The following RAB8B variants were observed in gnomAD, a reference collection of about 807,000 sequenced individuals.
The protein encoded by RAB8B is RAB8B, member RAS oncogene family, also known as ras-related protein Rab-8B.
RAB8B carries 11 observed loss-of-function variants against 32.0 expected under a neutral mutation model. The observed-to-expected ratio is 0.34, with a 90% CI of 0.22 to 0.57. The LOEUF (loss-of-function observed/expected upper bound fraction) is 0.57. RAB8B is among the 20% of genes least tolerant of loss of function. RAB8B has a pLI of 0.86. For synonymous variants in RAB8B, 103 were observed against 89.6 expected, an observed-to-expected ratio of 1.15 and a Z score of -0.85; for missense variants, 190 against 258.5, an observed-to-expected ratio of 0.73 and a Z score of 1.82.
chr15:63,225,711 A>G (rs779759386), intron 1 of RAB8B, among the ~76,000 whole-genome samples: 1 of 152,196 alleles, frequency 6.6e-6, no homozygotes, highest in African/African-American at 2.4e-5. Flanking sequence ...CTTGAGACTC[A>G]TAACTTTTCA....
At chr15:63,262,769 C>A in intron 7 of RAB8B, 27 bp downstream of exon 7, 2 of 1,223,412 alleles carry the variant, frequency 1.6e-6, no homozygotes, top group Non-Finnish European at 2.2e-6. Context: ...ATTTTTATTT[C>A]CATTATGCTG....
Position 63,233,073 on chromosome 15 carries a change from T to A in RAB8B, c.125-11683T>A, listed in dbSNP as rs946857696. ...TAGCATTCTTTTTTTTTTTCTTTTT[T>A]GTTGAGAATAGTCTCATGGCATGCC... On this transcript the variant is annotated intron_variant, in intron 1 of 7. Transcript: ENST00000321437. Among the ~76,000 whole-genome samples the A allele has an allele frequency of 2.2e-4, 33 of 151,268 alleles. 1 individual carries two copies. The highest frequency in any genetic ancestry group is 3.9e-4 in the East Asian group (2 of 5,180).
intron 1 of RAB8B, among the ~76,000 whole-genome samples, chr15:63,222,536 G>A (rs148723180): frequency 6.6e-6 from 1 of 152,242 alleles, no homozygotes; most frequent in African/African-American, 2.4e-5. Flanking sequence ...TGATGATAAT[G>A]ATGATTTTTA....
chr15:63,238,568 A>G (rs1173190820), intron 1 of RAB8B, among the ~76,000 whole-genome samples: 1 of 152,228 alleles, frequency 6.6e-6, no homozygotes, highest in African/African-American at 2.4e-5. Flanking sequence ...CAGCTCTTTC[A>G]TATAGATATG....
rs2038087051 is a variant in RAB8B at position 63,248,258 on chromosome 15, A to G, written c.186-1387A>G. Among the ~76,000 whole-genome samples, 1 of 152,184 alleles carries G rather than the reference A, an allele frequency of 6.6e-6. No homozygotes were observed. Among genetic ancestry groups the G allele is most frequent in the Non-Finnish European group, 1.5e-5 (1 of 68,036 alleles). On this transcript the variant is annotated intron_variant, in intron 2 of 7. Coordinates refer to ENST00000321437, the MANE Select transcript of RAB8B (RefSeq NM_016530.3). This position sits in a 1 kb window ranked among gnomAD's most constrained non-coding sequence, Gnocchi z 4.4. The stretch of plus-strand genomic sequence containing the variant: ...GCCGGGTGCAGTGGCTCACGCCTGT[A>G]ATGCCAGCACGTTGGGAGGCCGAGG...
chr15:63,210,893 C>T (rs971522668), intron 1 of RAB8B, among the ~76,000 whole-genome samples: 4 of 152,180 alleles, frequency 2.6e-5, no homozygotes, highest in Non-Finnish European at 2.9e-5. Flanking sequence ...AATTGTCTCT[C>T]GTTAACATCA....
intron 2 of RAB8B, 57 bp from the exon 3 acceptor site, chr15:63,249,588 T>C: frequency 6.6e-7 from 1 of 1,514,660 alleles, no homozygotes; most frequent in Admixed American, 1.7e-5. Context: ...GCAGGGTTTC[T>C]CCTCAGTGAT....
chr15:63,265,956 C>CT lies in RAB8B; in HGVS notation c.*2340dup, dbSNP rs1340960368. 6.6e-6 allele frequency: 1 copy of CT among 152,504 alleles called. No individual in the cohort carries two copies. Among genetic ancestry groups the CT allele is most frequent in the Non-Finnish European group, 1.5e-5 (1 of 67,974 alleles). The allele number at this position is 152,504 out of a possible 1,614,324, so 9.4% of individuals were successfully genotyped here. ...GTCCTTGCTATTTTCTTACATTTAG[C>CT]TTTGCTAGATTGTATATACATTGAG... On this transcript the variant is annotated 3_prime_UTR_variant, in exon 8 of 8. Coordinates refer to ENST00000321437, the MANE Select transcript of RAB8B (RefSeq NM_016530.3). The surrounding 1 kb of genome is among the most constrained non-coding windows in gnomAD (Gnocchi z 4.9).
chr15:63,224,385 A>G (rs2037872030), intron 1 of RAB8B, among the ~76,000 whole-genome samples: 1 of 152,218 alleles, frequency 6.6e-6, no homozygotes, highest in Non-Finnish European at 1.5e-5. Flanking sequence ...TCCTAGTCTT[A>G]CTGTAGAACC....
At chr15:63,247,219 C>T (rs967230785) in intron 2 of RAB8B, among the ~76,000 whole-genome samples, 2 of 152,146 alleles carry the variant, frequency 1.3e-5, no homozygotes, top group Admixed American at 6.5e-5. Flanking sequence ...CCTTTCACAA[C>T]GGCTCCACCC....
rs1306421667 is a variant in RAB8B, at chr15:63,248,723, GT to G, written c.186-919del. Among the ~76,000 whole-genome samples, 1 of 152,058 alleles carries G rather than the reference GT, an allele frequency of 6.6e-6. No homozygotes were observed. Among genetic ancestry groups the G allele is most frequent in the Non-Finnish European group, 1.5e-5 (1 of 67,998 alleles). On this transcript the variant is annotated intron_variant, in intron 2 of 7. Coordinates refer to ENST00000321437, the MANE Select transcript of RAB8B (RefSeq NM_016530.3). This position sits in a 1 kb window ranked among gnomAD's most constrained non-coding sequence, Gnocchi z 4.4. ...GTAAGATATATGTCTATGTTAAGGTGTTTATTGCTTTTTAACTTATGATATT... is the reference window on the plus strand; with the variant it reads ...GTAAGATATATGTCTATGTTAAGGTGTTATTGCTTTTTAACTTATGATATT...
At chr15:63,249,343 C>T (rs1595748517) in intron 2 of RAB8B, among the ~76,000 whole-genome samples, 4 of 152,150 alleles carry the variant, frequency 2.6e-5, no homozygotes, top group East Asian at 1.9e-4. Context: ...TTCCCTCCCA[C>T]GTGTGTTTGA....
chr15:63,242,238 C>T (rs1168714765), intron 1 of RAB8B, among the ~76,000 whole-genome samples: 1 of 151,548 alleles, frequency 6.6e-6, no homozygotes, highest in South Asian at 2.1e-4. Context: ...GGGAAAAGTA[C>T]CACACAGAGA....
At chr15:63,236,194 A>G (rs977340724) in intron 1 of RAB8B, among the ~76,000 whole-genome samples, 2 of 152,174 alleles carry the variant, frequency 1.3e-5, no homozygotes, top group African/African-American at 2.4e-5. Flanking sequence ...TCCTTATGTT[A>G]TAAGCAACCA....
At chr15:63,194,612 G>T (rs1342888368) in intron 1 of RAB8B, among the ~76,000 whole-genome samples, 2 of 152,188 alleles carry the variant, frequency 1.3e-5, no homozygotes, top group Non-Finnish European at 2.9e-5. Flanking sequence ...AGTAACTAAT[G>T]AAATCATATT....
At chr15:63,215,498 C>T (rs997169293) in intron 1 of RAB8B, among the ~76,000 whole-genome samples, 2 of 152,066 alleles carry the variant, frequency 1.3e-5, no homozygotes, top group African/African-American at 2.4e-5. Context: ...TTTTAGTCTT[C>T]GAAGGAACTG....
intron 1 of RAB8B, among the ~76,000 whole-genome samples, chr15:63,212,060 T>C (rs552850565): frequency 7.2e-5 from 11 of 152,268 alleles, no homozygotes; most frequent in African/African-American, 2.6e-4. Flanking sequence ...CTTGAACTCC[T>C]GGGCTCAAGC....
Position 63,254,829 on chromosome 15 carries a change from G to A in RAB8B, c.247-678G>A, listed in dbSNP as rs890752728. On this transcript the variant is annotated intron_variant, in intron 3 of 7. Transcript: ENST00000321437. The stretch of plus-strand genomic sequence containing the variant: ...CGGGAGGCTGAGGCAGGAGAATGGC[G>A]TGAACCCGGGAGGTGGAGCTTGCAG... 1.2e-4 allele frequency among the ~76,000 whole-genome samples: 19 copies of A among 152,148 alleles called. No homozygotes were observed. The East Asian group carries it at 3.1e-3, about 25-fold the overall frequency.
intron 5 of RAB8B, among the ~76,000 whole-genome samples, chr15:63,257,122 C>G (rs1260025450): frequency 6.6e-6 from 1 of 152,006 alleles, no homozygotes; most frequent in East Asian, 1.9e-4. Flanking sequence ...TCTTTTGTGT[C>G]CTGTAAAGCA....
Sources: gnomAD v4.1 joint callset for allele counts (sites outside exome capture counted in the v4.1 genomes callset) on GRCh38, gnomAD v4.1.1 for gene constraint, Gnocchi (gnomAD v3.1) non-coding constraint, MANE v1.5 for transcripts, NCBI Gene and HGNC (gene_info 2026-07-23, HGNC 2026-07-21) for gene names.